NKAIN2: variants seen among roughly 807,000 people sequenced by gnomAD.
NKAIN2 encodes sodium/potassium-transporting ATPase subunit beta-1-interacting protein 2.
Under a neutral mutation model 32.6 loss-of-function variants are expected in NKAIN2, and 14 were observed. That is an observed-to-expected ratio of 0.43 (90% confidence interval 0.28 to 0.67). NKAIN2 has a LOEUF of 0.67. Ranked by LOEUF, NKAIN2 falls within the 30% of genes least tolerant of loss-of-function variation. The probability of loss-of-function intolerance (pLI) is 0.17; values close to 1 mark genes in which losing one functional copy is unlikely to be tolerated. For synonymous variants in NKAIN2, 80 were observed against 87.2 expected, an observed-to-expected ratio of 0.92 and a Z score of 0.46; for missense variants, 198 against 258.3, an observed-to-expected ratio of 0.77 and a Z score of 1.60.
rs371688314 is a variant in NKAIN2, at chr6:124,200,508, ATGCATTTCTGAAACAAGTATATAT to A, written c.55-82487_55-82464del. On this transcript the variant is annotated intron_variant, in intron 1 of 6. Coordinates refer to ENST00000368417, the MANE Select transcript of NKAIN2 (RefSeq NM_001040214.3). The stretch of plus-strand genomic sequence containing the variant: ...CTTATATTCAAACAAAACCCTAAAA[ATGCATTTCTGAAACAAGTATATAT>A]TGCATTTCTCCACTTTTCATTTAAA... 1.4e-4 allele frequency among the ~76,000 whole-genome samples: 22 copies of A among 152,234 alleles called. 1 individual carries two copies. Among genetic ancestry groups the A allele is most frequent in the African/African-American group, 5.3e-4 (22 of 41,558 alleles).
At chr6:124,654,800 T>C (rs983065666) in intron 3 of NKAIN2, among the ~76,000 whole-genome samples, 1 of 152,164 alleles carries the variant, frequency 6.6e-6, no homozygotes, top group African/African-American at 2.4e-5. Context: ...AGCCACAGAA[T>C]GCCAAATATT....
intron 3 of NKAIN2, among the ~76,000 whole-genome samples, chr6:124,637,644 A>T (rs564897546): frequency 6.6e-6 from 1 of 152,142 alleles, no homozygotes; most frequent in African/African-American, 2.4e-5. Flanking sequence ...TAAGAAAGAA[A>T]TTATGAACAC....
chr6:124,125,415 C>A (rs1786109517), intron 1 of NKAIN2, among the ~76,000 whole-genome samples: 2 of 152,226 alleles, frequency 1.3e-5, no homozygotes, highest in East Asian at 1.9e-4. Flanking sequence ...TATGAGACAT[C>A]AATTTTTATC....
chr6:124,117,254 G>A (rs958268562), intron 1 of NKAIN2, among the ~76,000 whole-genome samples: 3 of 152,106 alleles, frequency 2.0e-5, no homozygotes, highest in African/African-American at 7.2e-5. Context: ...GCCATAGGTA[G>A]GATCACAGAT....
chr6:124,056,043 T>G (rs994036029), intron 1 of NKAIN2, among the ~76,000 whole-genome samples: 15 of 152,088 alleles, frequency 9.9e-5, no homozygotes, highest in African/African-American at 3.6e-4. Flanking sequence ...CCTGCTCTCT[T>G]AATTCCAGGT....
At chr6:123,829,436 T>A (rs888447238) in intron 1 of NKAIN2, among the ~76,000 whole-genome samples, 1 of 152,214 alleles carries the variant, frequency 6.6e-6, no homozygotes, top group African/African-American at 2.4e-5. Flanking sequence ...TATAACATGA[T>A]AAAACTTGAT....
intron 2 of NKAIN2, among the ~76,000 whole-genome samples, chr6:124,325,730 TTA>T (rs1797384437): frequency 6.6e-6 from 1 of 152,092 alleles, no homozygotes. Flanking sequence ...TCTTCTCAGG[TTA>T]TGGTGATTAT....
At chr6:124,791,549 T>G (rs1779747298) in intron 5 of NKAIN2, 150 bp downstream of exon 5, 1 of 480,934 alleles carries the variant, frequency 2.1e-6, no homozygotes, top group South Asian at 5.3e-5. Flanking sequence ...CTAAAGTGTT[T>G]CTCATAACAG....
chr6:124,166,371 T>G (rs1788542696), intron 1 of NKAIN2, among the ~76,000 whole-genome samples: 1 of 152,206 alleles, frequency 6.6e-6, no homozygotes, highest in Non-Finnish European at 1.5e-5. Flanking sequence ...GTTGTTTGTT[T>G]TTTTCTTGTA....
At chr6:123,867,820 A>G (rs1772618533) in intron 1 of NKAIN2, among the ~76,000 whole-genome samples, 1 of 150,164 alleles carries the variant, frequency 6.7e-6, no homozygotes, top group Non-Finnish European at 1.5e-5. Context: ...AGCTTTTATG[A>G]TATTTGAGCA....
chr6:124,601,926 A>G (rs1782322483), intron 3 of NKAIN2, among the ~76,000 whole-genome samples: 1 of 151,998 alleles, frequency 6.6e-6, no homozygotes, highest in Admixed American at 6.6e-5. Flanking sequence ...CCAACCATTT[A>G]TTTCCAAGCT....
intron 2 of NKAIN2, among the ~76,000 whole-genome samples, chr6:124,293,976 A>T (rs867740444): frequency 1.3e-5 from 2 of 152,162 alleles, no homozygotes; most frequent in Admixed American, 6.6e-5. Context: ...TTTTTAGTTT[A>T]GAGTTTCTTA....
intron 1 of NKAIN2, among the ~76,000 whole-genome samples, chr6:124,058,932 C>T (rs1033172054): frequency 6.6e-6 from 1 of 151,760 alleles, no homozygotes; most frequent in African/African-American, 2.4e-5. Context: ...AGTTTGGCAC[C>T]CCCTGGTTTA....
At chr6:124,384,127 T>C (rs1051859251) in intron 3 of NKAIN2, among the ~76,000 whole-genome samples, 1 of 152,154 alleles carries the variant, frequency 6.6e-6, no homozygotes, top group Non-Finnish European at 1.5e-5. Flanking sequence ...GTTGTACTTA[T>C]CACTCTCTGA....
intron 2 of NKAIN2, among the ~76,000 whole-genome samples, chr6:124,286,967 C>A (rs1048232153): frequency 1.3e-5 from 2 of 152,088 alleles, no homozygotes; most frequent in Non-Finnish European, 1.5e-5. Context: ...CAGGTGTAAG[C>A]CATTGTGCCC....
chr6:124,637,679 A>C (rs1181703626), intron 3 of NKAIN2, among the ~76,000 whole-genome samples: 1 of 152,106 alleles, frequency 6.6e-6, no homozygotes, highest in African/African-American at 2.4e-5. Context: ...AGCTACAAAA[A>C]TAAATACCTA....
chr6:124,520,526 T>G (rs916958189), intron 3 of NKAIN2, among the ~76,000 whole-genome samples: 3 of 152,136 alleles, frequency 2.0e-5, no homozygotes, highest in African/African-American at 7.2e-5. Flanking sequence ...CATTAACGAC[T>G]AGTTTCACGG....
intron 3 of NKAIN2, among the ~76,000 whole-genome samples, chr6:124,424,730 C>T (rs551967493): frequency 1.4e-3 from 211 of 152,144 alleles, no homozygotes; most frequent in Middle Eastern, 6.8e-3. Context: ...CAGGTTTATC[C>T]GTATTGTCAT....
chr6:124,473,077 C>A (rs564808970), intron 3 of NKAIN2, among the ~76,000 whole-genome samples: 1 of 152,068 alleles, frequency 6.6e-6, no homozygotes, highest in Non-Finnish European at 1.5e-5. Flanking sequence ...CAAAGGAAAG[C>A]GCCCAAATTT....
Sources: gnomAD v4.1 joint callset for allele counts (sites outside exome capture counted in the v4.1 genomes callset) on GRCh38, gnomAD v4.1.1 for gene constraint, MANE v1.5 for transcripts, NCBI Gene and HGNC (gene_info 2026-07-23, HGNC 2026-07-21) for gene names.